Variants in FANCD2 observed in about 807,000 individuals in gnomAD.
FANCD2 encodes the protein Fanconi anemia group D2 protein.
FANCD2 carries 131 observed loss-of-function variants against 192.3 expected under a neutral mutation model. The ratio of observed to expected loss-of-function variants is 0.68; its 90% CI spans 0.59 to 0.79. The LOEUF (loss-of-function observed/expected upper bound fraction) is 0.79, where lower values mean the gene tolerates loss of function less well. FANCD2 is among the 30% of genes least tolerant of loss of function. The pLI is 0.00. For synonymous variants in FANCD2, 524 were observed against 612.5 expected (o/e 0.86, Z 2.13); for missense variants, 1,508 against 1,701.6 (o/e 0.89, Z 2.00).
chr3:10,036,433 G>T, intron 7 of FANCD2, 94 bp downstream of exon 7: 1 of 957,030 alleles, frequency 1.0e-6, no homozygotes, highest in South Asian at 1.4e-5. Context: ...TTCTCTGAAA[G>T]TCATATTTAT....
chr3:10,086,612 G>A (rs887428012), intron 33 of FANCD2, among the ~76,000 whole-genome samples: 4 of 152,014 alleles, frequency 2.6e-5, no homozygotes, highest in Admixed American at 6.6e-5. Flanking sequence ...CTCCCAAGAC[G>A]CTGGGATTAC....
chr3:10,072,937 C>G lies in FANCD2; in HGVS notation c.2561C>G (p.Thr854Ser). 1.2e-6 allele frequency: 2 copies of G among 1,610,762 alleles called. No individual in the cohort carries two copies. Among genetic ancestry groups the G allele is most frequent in the Non-Finnish European group, 1.7e-6 (2 of 1,176,994 alleles). Reference protein sequence around the residue: ...DVETLDITPHTVTAISAKIRK... With the variant: ...DVETLDITPHSVTAISAKIRK... ...GAAACTTTAGATATAACACCTCATA[C>G]TGTTACTGCTATTTCAGCAAAAATC... is the stretch of plus-strand genomic sequence containing the variant. Residue 854 changes from threonine to serine, a missense_variant, in exon 27 of 44, where the codon ACT (threonine) becomes AGT (serine). By Grantham distance (58) the Thr-to-Ser change is moderately conservative. Transcript: ENST00000675286.
intron 14 of FANCD2, among the ~76,000 whole-genome samples, chr3:10,045,120 G>A (rs372968936): frequency 6.8e-6 from 1 of 147,350 alleles, no homozygotes; most frequent in South Asian, 2.1e-4. Context: ...CATAGACTCA[G>A]GTTGCCCTGA....
intron 2 of FANCD2, among the ~76,000 whole-genome samples, chr3:10,030,655 T>C (rs1396614425): frequency 6.6e-6 from 1 of 152,142 alleles, no homozygotes; most frequent in Non-Finnish European, 1.5e-5. Context: ...ATCCCAGCAC[T>C]TTGGGAGGCC....
In FANCD2 at chr3:10,094,332, C is replaced by T. The variant is rs745444413; in HGVS notation, c.3932C>T (p.Pro1311Leu). ...GAAGCATTTCTGAAGCAATGTATGC[C>T]GCTCCTAGACTTCAGTTTTAGAAAA... ...FVEAFLKQCM[P>L]LLDFSFRKHR... Residue 1311 changes from proline (P) to leucine (L), a missense_variant, in exon 40 of 44, where the codon CCG (proline) becomes CTG (leucine). Around this residue, in one of 5 missense-constraint regions of FANCD2, gnomAD observed 796 missense variants for 879.4 expected, o/e 0.91. Coordinates refer to ENST00000675286, the MANE Select transcript of FANCD2 (RefSeq NM_001018115.3). 8.1e-6 allele frequency: 13 copies of T among 1,613,792 alleles called. No individual in the cohort carries two copies. Among genetic ancestry groups the T allele is most frequent in the South Asian group, 4.4e-5 (4 of 91,068 alleles).
intron 36 of FANCD2, 60 bp from the exon 37 acceptor site, chr3:10,090,231 TC>T (rs1289445712): frequency 3.9e-6 from 5 of 1,268,726 alleles, no homozygotes; most frequent in Non-Finnish European, 5.8e-6. Flanking sequence ...TCCTGGTTCT[TC>T]CCAGGTAGTT....
At position 10,034,834 on chromosome 3, in the gene FANCD2, A is replaced by G. The variant is rs1364691921; in HGVS notation, c.377+36A>G. ...GAGGCATGGAATCTTGCTGAAATTCAGTCTGTTTTGCCAACTTCATGGGGC... is the reference window on the plus strand; with the variant it reads ...GAGGCATGGAATCTTGCTGAAATTCGGTCTGTTTTGCCAACTTCATGGGGC... On this transcript the variant is annotated intron_variant, in intron 5 of 43. Coordinates refer to ENST00000675286, the MANE Select transcript of FANCD2 (RefSeq NM_001018115.3). 4.0e-6 allele frequency: 6 copies of G among 1,483,678 alleles called. No homozygotes were observed. In the Admixed American group the frequency reaches 5.9e-5, roughly 15 times the overall value. The allele number at this position is 1,483,678 out of a possible 1,614,324, so 91.9% of individuals were successfully genotyped here.
chr3:10,065,974 C>T lies in FANCD2; in HGVS notation c.2380C>T (p.Arg794Ter), dbSNP rs755350165. 1.6e-5 allele frequency: 26 copies of T among 1,588,052 alleles called. No homozygotes were observed. The highest frequency in any genetic ancestry group is 6.7e-5 in the African/African-American group (5 of 74,406). Residue 794 changes from arginine to a stop codon, truncating the protein, a stop_gained, in exon 25 of 44, where the codon CGA becomes TGA. Coordinates refer to ENST00000675286, the MANE Select transcript of FANCD2 (RefSeq NM_001018115.3). LOFTEE classifies it high-confidence loss of function. ...CATATTTCTTACTCTCAACTGGTTCCGAGAGGTGAGCAGAGTTAATAGGAT... is the reference window on the plus strand; with the variant it reads ...CATATTTCTTACTCTCAACTGGTTCTGAGAGGTGAGCAGAGTTAATAGGAT... ...SLIFLTLNWF[R>*]EIVNAFCQET...
intron 36 of FANCD2, among the ~76,000 whole-genome samples, chr3:10,089,901 A>G (rs1159585585): frequency 6.6e-6 from 1 of 152,192 alleles, no homozygotes; most frequent in Non-Finnish European, 1.5e-5. Context: ...ACTTTATCTC[A>G]TTTGATCCTT....
At chr3:10,071,872 G>C (rs541333076) in intron 26 of FANCD2, among the ~76,000 whole-genome samples, 2 of 152,226 alleles carry the variant, frequency 1.3e-5, no homozygotes, top group South Asian at 4.1e-4. Flanking sequence ...CAATTCTCCT[G>C]CCTCAGCCTC....
rs184022219 is a variant in FANCD2 at position 10,096,272 on chromosome 3, G to A, written c.4039-54G>A. 3.2e-6 allele frequency: 5 copies of A among 1,583,248 alleles called. No individual in the cohort carries two copies. In the African/African-American group the frequency reaches 6.7e-5, roughly 21 times the overall value. ...ACATTCAAAGGTTTCTATAAGAAAT[G>A]TGAAGGCATGATGATAAACTCACAA... On this transcript the variant is annotated intron_variant, in intron 41 of 43. Transcript: ENST00000675286.
intron 30 of FANCD2, 96 bp from the exon 31 acceptor site, chr3:10,081,004 C>T (rs1693802151): frequency 7.4e-7 from 1 of 1,353,770 alleles, no homozygotes; most frequent in Non-Finnish European, 1.1e-6. Flanking sequence ...CTGCTCCTAC[C>T]TGGTGACACA....
chr3:10,034,726 C>G lies in FANCD2; in HGVS notation c.305C>G (p.Ser102Cys), dbSNP rs1246851861. ...GAAGAATTTGTTAGTGGCCTGGAGT[C>G]TTACATTGAGGATGAAGACAGTTTC... ...IIEEFVSGLE[S>C]YIEDEDSFRN... The change falls in exon 5 of 44, where the codon TCT (serine) becomes TGT (cysteine). Residue 102 changes from serine to cysteine, a missense_variant. Around this residue, in one of 5 missense-constraint regions of FANCD2, gnomAD observed 435 missense variants for 421.9 expected, o/e 1.03. Transcript: ENST00000675286. 6.4e-7 allele frequency: 1 copy of G among 1,571,750 alleles called. No homozygotes were observed. The highest frequency in any genetic ancestry group is 1.4e-5 in the African/African-American group (1 of 74,004).
chr3:10,078,348 C>CTTTATTTA (rs376755596), intron 30 of FANCD2, 151 bp downstream of exon 30: 10 of 644,840 alleles, frequency 1.6e-5, no homozygotes, highest in Non-Finnish European at 2.0e-5. Context: ...ATTCATCTTG[C>CTTTATTTA]TTTATTTATT....
intron 27 of FANCD2, 128 bp downstream of exon 27, chr3:10,073,109 T>G (rs1281696687): frequency 4.7e-6 from 4 of 853,688 alleles, no homozygotes; most frequent in South Asian, 4.3e-5. Context: ...TTTATTAGAT[T>G]TATAAATATA....
Position 10,034,505 on chromosome 3 carries a change from A to G in FANCD2, c.242A>G (p.Gln81Arg). Reference protein sequence around the residue: ...DQIAFQKKLFQTLRRHPSYPK... With the variant: ...DQIAFQKKLFRTLRRHPSYPK... Reference sequence around the variant, plus strand: ...ATAGCTTTCCAAAAGAAGCTCTTTCAGACCCTGAGGAGACACCCTTCCTAT... The same window carrying G: ...ATAGCTTTCCAAAAGAAGCTCTTTCGGACCCTGAGGAGACACCCTTCCTAT... The change falls in exon 4 of 44, where the codon CAG becomes CGG. Residue 81 changes from glutamine (Q) to arginine (R), a missense_variant. Physicochemically the swap from Gln to Arg is conservative, Grantham distance 43. Transcript: ENST00000675286. 2 of 1,613,280 alleles carry G rather than the reference A, an allele frequency of 1.2e-6. No homozygotes were observed. Among genetic ancestry groups the G allele is most frequent in the Non-Finnish European group, 1.7e-6 (2 of 1,179,236 alleles).
At chr3:10,032,997 C>A (rs765278239) in intron 3 of FANCD2, 25 bp downstream of exon 3, 4 of 1,516,366 alleles carry the variant, frequency 2.6e-6, no homozygotes, top group Non-Finnish European at 3.7e-6. Context: ...TAATTTTATT[C>A]TCTGGGTTTA....
chr3:10,046,271 T>A (rs2087006526), intron 14 of FANCD2, among the ~76,000 whole-genome samples: 1 of 151,892 alleles, frequency 6.6e-6, no homozygotes. Context: ...GTCAGGATGG[T>A]CTCGATCTCC....
At chr3:10,090,784 G>A (rs943879739) in intron 37 of FANCD2, among the ~76,000 whole-genome samples, 1 of 151,986 alleles carries the variant, frequency 6.6e-6, no homozygotes, top group Non-Finnish European at 1.5e-5. Context: ...CTATGTCTTG[G>A]GTCCAAGTTT....
Sources: allele counts gnomAD v4.1 joint callset (sites outside exome capture counted in the v4.1 genomes callset), GRCh38; gene constraint gnomAD v4.1.1; regional missense constraint gnomAD v4.1.1; transcripts MANE v1.5; gene names NCBI Gene and HGNC (gene_info 2026-07-23, HGNC 2026-07-21).